Variants in ITGAE observed in about 807,000 individuals in gnomAD.
ITGAE encodes integrin alpha-E.
A neutral mutation model predicts 136.5 loss-of-function variants in ITGAE; 99 were observed. That is an observed-to-expected ratio of 0.73 (90% confidence interval 0.62 to 0.86). The LOEUF (loss-of-function observed/expected upper bound fraction) is 0.86, where lower values mean the gene tolerates loss of function less well. Ranked by LOEUF, ITGAE falls within the 40% of genes least tolerant of loss-of-function variation. ITGAE has a pLI of 0.00. For synonymous variants in ITGAE, 613 were observed against 591.8 expected (o/e 1.04, Z -0.52); for missense variants, 1,447 against 1,515.3 (o/e 0.95, Z 0.75).
chr17:3,777,374 C>T (rs1483477423), intron 2 of ITGAE, among the ~76,000 whole-genome samples, 166 bp downstream of exon 2: 2 of 152,244 alleles, frequency 1.3e-5, no homozygotes, highest in Non-Finnish European at 2.9e-5. Context: ...TGCCCACAGC[C>T]TCTCTCACAC....
chr17:3,788,376 A>G (rs908476719), intron 1 of ITGAE, among the ~76,000 whole-genome samples: 4 of 151,144 alleles, frequency 2.6e-5, no homozygotes, highest in African/African-American at 9.7e-5. Context: ...TGCAGCCTCA[A>G]CTTCCTGGGC....
intron 19 of ITGAE, among the ~76,000 whole-genome samples, chr17:3,740,221 T>C (rs1040419282): frequency 2.6e-5 from 4 of 152,234 alleles, no homozygotes; most frequent in Admixed American, 2.6e-4. Flanking sequence ...ACTTTGAGCA[T>C]TCAGGGAGCA....
At chr17:3,787,453 C>T (rs1489598078) in intron 1 of ITGAE, among the ~76,000 whole-genome samples, 1 of 152,004 alleles carries the variant, frequency 6.6e-6, no homozygotes, top group African/African-American at 2.4e-5. Flanking sequence ...GCGGTGGGGT[C>T]TAGCTATGTT....
intron 1 of ITGAE, among the ~76,000 whole-genome samples, chr17:3,781,090 T>A (rs1461559642): frequency 1.3e-5 from 2 of 152,238 alleles, no homozygotes; most frequent in Admixed American, 6.5e-5. Context: ...TTCATTTTCA[T>A]GAAACGATAT....
chr17:3,787,350 G>T (rs2052825053), intron 1 of ITGAE, among the ~76,000 whole-genome samples: 1 of 152,120 alleles, frequency 6.6e-6, no homozygotes, highest in Non-Finnish European at 1.5e-5. Flanking sequence ...GACCTCAGGT[G>T]ATCCGCCCAC....
chr17:3,740,023 G>C (rs754149641), intron 19 of ITGAE, 145 bp from the exon 20 acceptor site: 1 of 672,834 alleles, frequency 1.5e-6, no homozygotes, highest in Non-Finnish European at 2.7e-6. Context: ...AGGGGTGCAG[G>C]CTGGGATTGT....
At chr17:3,786,040 G>C (rs578182277) in intron 1 of ITGAE, among the ~76,000 whole-genome samples, 2 of 151,326 alleles carry the variant, frequency 1.3e-5, no homozygotes, top group African/African-American at 4.9e-5. Context: ...GGTGGCGGGC[G>C]CCTGTAGTCC....
At position 3,785,994 on chromosome 17, in the gene ITGAE, C is replaced by T. The variant is rs1035427281; in HGVS notation, c.35-8334G>A. Among the ~76,000 whole-genome samples, 12 of 151,836 alleles carry T rather than the reference C, an allele frequency of 7.9e-5. No individual in the cohort carries two copies. The East Asian group carries it at 9.7e-4, about 12-fold the overall frequency. The stretch of plus-strand genomic sequence containing the variant: ...CGTCCTGGCTAACACGGTGAAACCC[C>T]GTCTCTACTGAAAATACAAAAAATT... On this transcript the variant is annotated intron_variant, in intron 1 of 30. Transcript: ENST00000263087.
At chr17:3,724,593 T>C in intron 26 of ITGAE, 4 of 1,614,076 alleles carry the variant, frequency 2.5e-6, no homozygotes, top group Non-Finnish European at 3.4e-6. Flanking sequence ...TCTCCCCTGC[T>C]CCCAGGAGGA....
chr17:3,774,155 G>GTGA (rs113344582), intron 2 of ITGAE, among the ~76,000 whole-genome samples: 2 of 151,952 alleles, frequency 1.3e-5, no homozygotes, highest in Non-Finnish European at 2.9e-5. Context: ...CAGGAACCCT[G>GTGA]GCTCCTCACC....
intron 1 of ITGAE, among the ~76,000 whole-genome samples, chr17:3,790,793 A>G (rs1375753882): frequency 6.6e-6 from 1 of 152,180 alleles, no homozygotes; most frequent in Non-Finnish European, 1.5e-5. Flanking sequence ...CCAGACGGAG[A>G]GCCACAGCAA....
At chr17:3,724,528 C>G in intron 26 of ITGAE, 3 of 1,614,030 alleles carry the variant, frequency 1.9e-6, no homozygotes, top group Non-Finnish European at 2.5e-6. Context: ...CTGGTTGCAG[C>G]CTCAGCCGTC....
intron 2 of ITGAE, among the ~76,000 whole-genome samples, chr17:3,774,732 T>C (rs1483256697): frequency 6.6e-6 from 1 of 152,014 alleles, no homozygotes. Flanking sequence ...ACCACTGCAC[T>C]CCAGCCTGGG....
chr17:3,763,912 A>T lies in ITGAE; in HGVS notation c.204T>A (p.His68Gln). 1.2e-6 allele frequency: 2 copies of T among 1,613,918 alleles called. No individual in the cohort carries two copies. The highest frequency in any genetic ancestry group is 1.7e-6 in the Non-Finnish European group (2 of 1,179,958). The change falls in exon 3 of 31, where the codon CAT (histidine) becomes CAA (glutamine). Residue 68 changes from histidine to glutamine, a missense_variant. By Grantham distance (24) the His-to-Gln change is conservative. Transcript: ENST00000263087. ...TTTCATCCTGGACAAGGGAACATCG[A>T]TGGAGGGGCCCTGGTGTCCTCTTGG... ...PRTKRTPGPL[H>Q]RCSLVQDEIL...
intron 9 of ITGAE, among the ~76,000 whole-genome samples, chr17:3,757,435 G>A (rs1031108795): frequency 6.6e-6 from 1 of 152,114 alleles, no homozygotes; most frequent in African/African-American, 2.4e-5. Context: ...CCATTTGTCT[G>A]GCAGGACTCA....
chr17:3,723,582 C>A, intron 27 of ITGAE, 106 bp downstream of exon 27: 1 of 1,235,700 alleles, frequency 8.1e-7, no homozygotes, highest in Non-Finnish European at 1.1e-6. Context: ...TGGCAGCCCC[C>A]GGCACTGGCC....
At chr17:3,771,534 C>CTTTTT (rs71312930) in intron 2 of ITGAE, among the ~76,000 whole-genome samples, 2 of 123,238 alleles carry the variant, frequency 1.6e-5, no homozygotes, top group Admixed American at 1.6e-4. Context: ...GCATTTTTCT[C>CTTTTT]TTTTTTTTTT....
chr17:3,723,861 G>C lies in ITGAE; in HGVS notation c.3085-117C>G. ...GCGCAGGGCCGGGAGCTAGGACCCC[G>C]CGGCAGGCGGGCGCGTCCGCGTCGC... On this transcript the variant is annotated intron_variant, in intron 26 of 30. Coordinates refer to ENST00000263087, the MANE Select transcript of ITGAE (RefSeq NM_002208.5). 4.6e-6 allele frequency: 7 copies of C among 1,518,592 alleles called. No homozygotes were observed. The South Asian group carries it at 7.7e-5, about 17-fold the overall frequency. 94.1% of individuals were successfully genotyped at this position (1,518,592 alleles called of 1,614,324 possible). A position where few individuals can be genotyped will look rare whatever the true frequency, so the allele number is the denominator to read the frequency against.
At chr17:3,752,039 C>T (rs1232245325) in intron 14 of ITGAE, among the ~76,000 whole-genome samples, 165 bp from the exon 15 acceptor site, 1 of 151,652 alleles carries the variant, frequency 6.6e-6, no homozygotes. Context: ...ACCCAGGATG[C>T]ACGCTCACTG....
Sources: gnomAD v4.1 joint callset for allele counts (sites outside exome capture counted in the v4.1 genomes callset) on GRCh38, gnomAD v4.1.1 for gene constraint, MANE v1.5 for transcripts, NCBI Gene and HGNC (gene_info 2026-07-23, HGNC 2026-07-21) for gene names.